The following MEDAG variants were observed in gnomAD, a reference collection of about 807,000 sequenced individuals.
The protein encoded by MEDAG is mesenteric estrogen-dependent adipogenesis protein.
A neutral mutation model predicts 29.9 loss-of-function variants in MEDAG; 25 were observed. The observed-to-expected ratio is 0.84, with a 90% CI of 0.61 to 1.17. The LOEUF is 1.17. MEDAG is among the 50% of genes most tolerant of loss of function. The pLI is 0.00. For missense variants in MEDAG, 398 were observed against 372.9 expected (o/e 1.07, Z -0.56); for synonymous variants, 158 against 148.2 (o/e 1.07, Z -0.48).
intron 2 of MEDAG, among the ~76,000 whole-genome samples, chr13:30,920,412 C>A (rs1952971085): frequency 6.6e-6 from 1 of 151,706 alleles, no homozygotes; most frequent in Non-Finnish European, 1.5e-5. Context: ...ATAATGAAAC[C>A]CTGTCTCTGC....
Position 30,917,505 on chromosome 13 carries a change from C to T in MEDAG, c.381C>T (p.Thr127=), listed in dbSNP as rs752890351. The T allele has an allele frequency of 6.4e-7, 1 of 1,559,456 alleles. No individual in the cohort carries two copies. Among genetic ancestry groups the T allele is most frequent in the Non-Finnish European group, 8.8e-7 (1 of 1,130,998 alleles). The change falls in exon 2 of 5, where the codon ACC becomes ACT. Residue 127 remains threonine (T), a synonymous_variant. Coordinates refer to ENST00000380482, the MANE Select transcript of MEDAG (RefSeq NM_032849.4). ...TTAATGTACAGACCAAAAAAGACACCTCAAAAGGTAAGTATCTATATTAGT... is the reference window on the plus strand; with the variant it reads ...TTAATGTACAGACCAAAAAAGACACTTCAAAAGGTAAGTATCTATATTAGT... ...FFINVQTKKD[T]SKERTYAFLV...
At chr13:30,907,152 C>G (rs992222078) in intron 1 of MEDAG, among the ~76,000 whole-genome samples, 1 of 152,200 alleles carries the variant, frequency 6.6e-6, no homozygotes, top group Non-Finnish European at 1.5e-5. Context: ...GGAGCACACC[C>G]TTTAGGGGCT....
chr13:30,911,041 A>G (rs1228918672), intron 1 of MEDAG, among the ~76,000 whole-genome samples: 1 of 152,182 alleles, frequency 6.6e-6, no homozygotes, highest in East Asian at 1.9e-4. Flanking sequence ...GATTTTTAGG[A>G]GAGTCAGTCT....
intron 2 of MEDAG, among the ~76,000 whole-genome samples, chr13:30,917,827 C>T (rs952868708): frequency 6.6e-6 from 1 of 152,222 alleles, no homozygotes; most frequent in African/African-American, 2.4e-5. Context: ...AGTCATCTCT[C>T]ACCAGGCCCC....
At position 30,924,553 on chromosome 13, in the gene MEDAG, C is replaced by G. The variant is rs1454851611; in HGVS notation, c.*118C>G. On this transcript the variant is annotated 3_prime_UTR_variant, in exon 5 of 5. Transcript: ENST00000380482. ...CCACCTGCGTGTCAATCTCCGGCTC[C>G]TCCATGGCTTCTATGGAGGACTCCT... 3.6e-6 allele frequency: 4 copies of G among 1,096,908 alleles called. No homozygotes were observed. In the East Asian group the frequency reaches 1.0e-4, roughly 27 times the overall value. The allele number at this position is 1,096,908 out of a possible 1,614,324, so 67.9% of individuals were successfully genotyped here.
At chr13:30,919,453 T>C (rs1427568833) in intron 2 of MEDAG, among the ~76,000 whole-genome samples, 1 of 152,202 alleles carries the variant, frequency 6.6e-6, no homozygotes, top group Non-Finnish European at 1.5e-5. Flanking sequence ...CTGTGGAGTG[T>C]TGTGGCCATG....
intron 2 of MEDAG, among the ~76,000 whole-genome samples, chr13:30,918,726 A>C (rs974020230): frequency 6.6e-6 from 1 of 152,238 alleles, no homozygotes; most frequent in South Asian, 2.1e-4. Context: ...CGAATTTCAA[A>C]TAGATTTCCC....
At position 30,917,426 on chromosome 13, in the gene MEDAG, G is replaced by C. The variant is rs1952939750; in HGVS notation, c.302G>C (p.Cys101Ser). 2.5e-6 allele frequency: 4 copies of C among 1,606,588 alleles called. No individual in the cohort carries two copies. The highest frequency in any genetic ancestry group is 3.4e-6 in the Non-Finnish European group (4 of 1,173,312). The change falls in exon 2 of 5, where the codon TGT becomes TCT. Residue 101 changes from cysteine to serine, a missense_variant. Physicochemically the swap from Cys to Ser is moderately radical, Grantham distance 112 (BLOSUM62 -1). Transcript: ENST00000380482. ...IKRYVELTNY[C>S]DYKDYRETIL... ...AGGTATGTGGAACTGACCAACTACT[G>C]TGATTATAAAGACTACAGGGAAACT...
At chr13:30,918,975 G>A (rs1400818131) in intron 2 of MEDAG, among the ~76,000 whole-genome samples, 1 of 152,056 alleles carries the variant, frequency 6.6e-6, no homozygotes, top group Non-Finnish European at 1.5e-5. Flanking sequence ...TCACTCAGGA[G>A]GAATCTAAAA....
rs906643921 is a variant in MEDAG, at chr13:30,921,888, T to C, written c.787+42T>C. ...GAAGGATATGTGGAAGGTAGTTAAA[T>C]AAAAGGGTAGAGTAAAATAATGGAA... On this transcript the variant is annotated intron_variant, in intron 4 of 4. Transcript: ENST00000380482. 1.9e-6 allele frequency: 3 copies of C among 1,539,506 alleles called. No homozygotes were observed. In the Admixed American group the frequency reaches 6.4e-5, roughly 33 times the overall value.
chr13:30,917,111 G>C (rs150996585), intron 1 of MEDAG, among the ~76,000 whole-genome samples: 3 of 152,136 alleles, frequency 2.0e-5, no homozygotes, highest in Non-Finnish European at 4.4e-5. Context: ...TCAAATGAAC[G>C]CTTTTAGCCC....
chr13:30,915,844 C>G (rs1952922969), intron 1 of MEDAG, among the ~76,000 whole-genome samples: 1 of 152,038 alleles, frequency 6.6e-6, no homozygotes, highest in Non-Finnish European at 1.5e-5. Flanking sequence ...CTCCTCCATT[C>G]CCATCGTCCT....
intron 4 of MEDAG, 90 bp downstream of exon 4, chr13:30,921,936 C>A: frequency 7.4e-7 from 1 of 1,342,650 alleles, no homozygotes; most frequent in Non-Finnish European, 1.0e-6. Flanking sequence ...ATTCAAAAGG[C>A]AAGACCTATT....
In MEDAG at chr13:30,925,071, A is replaced by T. The variant is rs1687477462; in HGVS notation, c.*636A>T. ...AGTAACCCTGCCACACACTGCCTGAAATCGGAACTCCCTTGGCCTCCCTCT... is the reference window on the plus strand; with the variant it reads ...AGTAACCCTGCCACACACTGCCTGATATCGGAACTCCCTTGGCCTCCCTCT... On this transcript the variant is annotated 3_prime_UTR_variant, in exon 5 of 5. Coordinates refer to ENST00000380482, the MANE Select transcript of MEDAG (RefSeq NM_032849.4). The T allele has an allele frequency of 6.6e-6, 1 of 152,154 alleles. No individual in the cohort carries two copies. The highest frequency in any genetic ancestry group is 1.9e-4 in the East Asian group (1 of 5,194). 9.4% of individuals were successfully genotyped at this position (152,154 alleles called of 1,614,324 possible). A position where few individuals can be genotyped will look rare whatever the true frequency, so the allele number is the denominator to read the frequency against.
intron 4 of MEDAG, chr13:30,922,587 C>T (rs1952998998): frequency 6.6e-6 from 1 of 152,148 alleles, no homozygotes; most frequent in South Asian, 2.1e-4. Flanking sequence ...TGGAAGGGTT[C>T]TCCAGATTTG....
Position 30,919,857 on chromosome 13 carries a change from G to A in MEDAG, c.389-1157G>A, listed in dbSNP as rs111941641. ...TAATTAAGGCCATGGAGCTTGATGC[G>A]GGGGACTGGAAAAGTTAAGAGGTTG... On this transcript the variant is annotated intron_variant, in intron 2 of 4. Coordinates refer to ENST00000380482, the MANE Select transcript of MEDAG (RefSeq NM_032849.4). Among the ~76,000 whole-genome samples, 723 of 152,230 alleles carry A rather than the reference G, an allele frequency of 4.7e-3. 5 individuals carry two copies. The highest frequency in any genetic ancestry group is 0.016 in the African/African-American group (676 of 41,536).
At position 30,921,727 on chromosome 13, in the gene MEDAG, A is replaced by G; in HGVS notation, c.668A>G (p.Asn223Ser). Residue 223 changes from asparagine (N) to serine (S), a missense_variant, in exon 4 of 5, where the codon AAT becomes AGT. Asn to Ser is a conservative substitution (Grantham distance 46). Coordinates refer to ENST00000380482, the MANE Select transcript of MEDAG (RefSeq NM_032849.4). Reference sequence around the variant, plus strand: ...GTAAAAGTAAATGGAAAAGTTCTGAATTTGTCAAGTACAAGTCCAGAAAAG... The same window carrying G: ...GTAAAAGTAAATGGAAAAGTTCTGAGTTTGTCAAGTACAAGTCCAGAAAAG... ...SVVKVNGKVL[N>S]LSSTSPEKKE... 1.2e-6 allele frequency: 2 copies of G among 1,614,102 alleles called. No individual in the cohort carries two copies. The highest frequency in any genetic ancestry group is 1.7e-6 in the Non-Finnish European group (2 of 1,180,006).
At position 30,911,763 on chromosome 13, in the gene MEDAG, G is replaced by A. The variant is rs866890564; in HGVS notation, c.278+4970G>A. Among the ~76,000 whole-genome samples the A allele has an allele frequency of 3.3e-5, 5 of 152,272 alleles. No homozygotes were observed. In the South Asian group the frequency reaches 8.3e-4, roughly 25 times the overall value. Reference sequence around the variant, plus strand: ...CCAGTTTGCAAGCCTATGAATAGCAGGGACCATGTCTTAGACCAGTGCTTC... The same window carrying A: ...CCAGTTTGCAAGCCTATGAATAGCAAGGACCATGTCTTAGACCAGTGCTTC... On this transcript the variant is annotated intron_variant, in intron 1 of 4. Transcript: ENST00000380482.
chr13:30,923,332 C>T (rs1389167975), intron 4 of MEDAG, among the ~76,000 whole-genome samples: 2 of 151,800 alleles, frequency 1.3e-5, no homozygotes, highest in African/African-American at 2.4e-5. Flanking sequence ...CTCCTTCCTC[C>T]TCTCTCTCTC....
Sources: gnomAD v4.1 joint callset for allele counts (sites outside exome capture counted in the v4.1 genomes callset) on GRCh38, gnomAD v4.1.1 for gene constraint, MANE v1.5 for transcripts, NCBI Gene and HGNC (gene_info 2026-07-23, HGNC 2026-07-21) for gene names.